The following RALGPS1 variants were observed in gnomAD, a reference collection of about 807,000 sequenced individuals.
RALGPS1 encodes the protein Ral GEF with PH domain and SH3 binding motif 1.
RALGPS1 carries 19 observed loss-of-function variants against 78.8 expected under a neutral mutation model. The ratio of observed to expected loss-of-function variants is 0.24; its 90% CI spans 0.17 to 0.35. RALGPS1 has a LOEUF of 0.35. RALGPS1 is among the 10% of genes least tolerant of loss of function. The pLI is 1.00. For synonymous variants in RALGPS1, 228 were observed against 256.3 expected (o/e 0.89, Z 1.06); for missense variants, 454 against 688.3 (o/e 0.66, Z 3.81).
intron 5 of RALGPS1, among the ~76,000 whole-genome samples, chr9:127,043,434 T>A (rs1368408840): frequency 2.0e-5 from 3 of 150,976 alleles, no homozygotes; most frequent in African/African-American, 7.3e-5. Context: ...GACACAGACC[T>A]TAGACCTTTC....
At chr9:127,178,246 C>G in intron 11 of RALGPS1, 1 of 369,280 alleles carries the variant, frequency 2.7e-6, no homozygotes, top group South Asian at 2.6e-5. Context: ...TTGGCCAAAT[C>G]CAATAGAAAG....
intron 7 of RALGPS1, among the ~76,000 whole-genome samples, chr9:127,064,113 G>T (rs186567805): frequency 1.3e-5 from 2 of 152,338 alleles, no homozygotes; most frequent in Admixed American, 1.3e-4. Flanking sequence ...ATCCCAGGGT[G>T]CCCCAAGACT....
At chr9:127,127,173 A>C (rs2056675152) in intron 8 of RALGPS1, among the ~76,000 whole-genome samples, 1 of 152,200 alleles carries the variant, frequency 6.6e-6, no homozygotes, top group African/African-American at 2.4e-5. Context: ...CTCAAAGTCC[A>C]ACCTCTTTCC....
intron 4 of RALGPS1, chr9:126,990,000 C>T: frequency 6.5e-7 from 1 of 1,550,364 alleles, no homozygotes. Context: ...GTCCAGGAAC[C>T]TGACCCTCTG....
chr9:127,133,268 T>C (rs1314360961), intron 8 of RALGPS1, among the ~76,000 whole-genome samples: 1 of 152,156 alleles, frequency 6.6e-6, no homozygotes, highest in African/African-American at 2.4e-5. Context: ...TCAGCCCCAG[T>C]CCCCAAGGGG....
intron 18 of RALGPS1, among the ~76,000 whole-genome samples, chr9:127,216,420 G>A (rs1212746573): frequency 6.6e-6 from 1 of 152,202 alleles, no homozygotes; most frequent in African/African-American, 2.4e-5. Context: ...TGTGCTCAAA[G>A]ATGTGTTTAA....
At chr9:127,062,974 C>CACA (rs1345656001) in intron 7 of RALGPS1, among the ~76,000 whole-genome samples, 1 of 152,138 alleles carries the variant, frequency 6.6e-6, no homozygotes, top group African/African-American at 2.4e-5. Context: ...CATAGATTAT[C>CACA]CACAACACTA....
chr9:127,006,720 A>G (rs1292384542), intron 4 of RALGPS1, among the ~76,000 whole-genome samples: 2 of 152,204 alleles, frequency 1.3e-5, no homozygotes, highest in Non-Finnish European at 2.9e-5. Flanking sequence ...AAAACTGCCC[A>G]AGGTAATAGG....
At chr9:127,187,055 G>A (rs988293037) in intron 11 of RALGPS1, among the ~76,000 whole-genome samples, 3 of 152,176 alleles carry the variant, frequency 2.0e-5, no homozygotes, top group African/African-American at 4.8e-5. Flanking sequence ...TGGAGCCTCC[G>A]CGTCTCACTG....
At chr9:126,984,504 G>T (rs2041616666) in intron 4 of RALGPS1, among the ~76,000 whole-genome samples, 1 of 152,206 alleles carries the variant, frequency 6.6e-6, no homozygotes, top group African/African-American at 2.4e-5. Flanking sequence ...GAGTAAGCAG[G>T]TGGTGCCCCA....
intron 8 of RALGPS1, among the ~76,000 whole-genome samples, chr9:127,137,189 G>T (rs2057454886): frequency 6.6e-6 from 1 of 152,158 alleles, no homozygotes; most frequent in Admixed American, 6.6e-5. Context: ...TGTAGAGAAG[G>T]GCATGCAACC....
At chr9:127,204,971 C>T (rs377108317) in intron 14 of RALGPS1, among the ~76,000 whole-genome samples, 1 of 152,214 alleles carries the variant, frequency 6.6e-6, no homozygotes, top group East Asian at 1.9e-4. Flanking sequence ...GAGGCGATCC[C>T]GCAGGTGATA....
Position 127,183,780 on chromosome 9 carries a change from TG to T in RALGPS1, c.910+9001del. 8.5e-7 allele frequency: 1 copy of T among 1,180,900 alleles called. No individual in the cohort carries two copies. Among genetic ancestry groups the T allele is most frequent in the Non-Finnish European group, 1.2e-6 (1 of 849,424 alleles). 73.2% of individuals were successfully genotyped at this position (1,180,900 alleles called of 1,614,324 possible). A position where few individuals can be genotyped will look rare whatever the true frequency, so the allele number is the denominator to read the frequency against. On this transcript the variant is annotated intron_variant, in intron 11 of 18. Transcript: ENST00000259351. This position sits in a 1 kb window ranked among gnomAD's most constrained non-coding sequence, Gnocchi z 4.0. ...CGTTTATATTTTCGGAATGGATGGG[TG>T]GGAGGGGCCCTCCATGAGGACCTCA...
chr9:127,163,088 T>C (rs1167377657), intron 8 of RALGPS1, among the ~76,000 whole-genome samples: 1 of 152,170 alleles, frequency 6.6e-6, no homozygotes, highest in Non-Finnish European at 1.5e-5. Flanking sequence ...TGCTCTCCAG[T>C]TTCTCTGCTT....
At chr9:126,917,009 G>A (rs2034239295) in intron 1 of RALGPS1, among the ~76,000 whole-genome samples, 1 of 152,180 alleles carries the variant, frequency 6.6e-6, no homozygotes, top group South Asian at 2.1e-4. Flanking sequence ...TGCATGGACA[G>A]AAGTGAAGGT....
At chr9:127,210,899 C>G (rs1226451843) in intron 14 of RALGPS1, 2 of 826,918 alleles carry the variant, frequency 2.4e-6, no homozygotes, top group Non-Finnish European at 3.8e-6. Flanking sequence ...CTACATGAGT[C>G]TACTGCCAGG....
chr9:127,084,669 C>T (rs368568134), intron 8 of RALGPS1, among the ~76,000 whole-genome samples: 1 of 152,188 alleles, frequency 6.6e-6, no homozygotes, highest in African/African-American at 2.4e-5. Context: ...AGTGGGGACA[C>T]GTGAAGGACA....
At chr9:127,008,388 G>C (rs985427593) in intron 4 of RALGPS1, among the ~76,000 whole-genome samples, 1 of 152,222 alleles carries the variant, frequency 6.6e-6, no homozygotes, top group Non-Finnish European at 1.5e-5. Context: ...AGGACCTCTA[G>C]GCTTGTGAAG....
intron 4 of RALGPS1, among the ~76,000 whole-genome samples, chr9:127,014,326 A>C (rs1300180790): frequency 2.6e-5 from 4 of 152,202 alleles, no homozygotes; most frequent in Admixed American, 1.3e-4. Flanking sequence ...ACTTTTCCTG[A>C]AAGAGCCATT....
Sources: allele counts gnomAD v4.1 joint callset (sites outside exome capture counted in the v4.1 genomes callset), GRCh38; gene constraint gnomAD v4.1.1; non-coding constraint Gnocchi (gnomAD v3.1); transcripts MANE v1.5; gene names NCBI Gene and HGNC (gene_info 2026-07-23, HGNC 2026-07-21).